The following AFF2 variants were observed in gnomAD, a reference collection of about 807,000 sequenced individuals.
AFF2 encodes AF4/FMR2 family member 2.
AFF2 carries 14 observed loss-of-function variants against 76.9 expected under a neutral mutation model. The ratio of observed to expected loss-of-function variants is 0.18; its 90% CI spans 0.12 to 0.28. The LOEUF (loss-of-function observed/expected upper bound fraction) is 0.28, where lower values mean the gene tolerates loss of function less well. Ranked by LOEUF, AFF2 falls within the 10% of genes least tolerant of loss-of-function variation. AFF2 has a pLI of 1.00. For missense variants in AFF2, 868 were observed against 1,001.1 expected (o/e 0.87, Z 1.79); for synonymous variants, 398 against 366.7 (o/e 1.09, Z -0.98).
At position 148,786,471 on chromosome X, in the gene AFF2, G is replaced by C. The variant is rs186986150; in HGVS notation, c.1042-23405G>C. 6.7e-3 allele frequency among the ~76,000 whole-genome samples: 744 copies of C among 111,873 alleles called. 3 individuals are homozygous for C. Among genetic ancestry groups the C allele is most frequent in the Non-Finnish European group, 0.011 (602 of 53,145 alleles). Reference sequence around the variant, plus strand: ...CAAGGTCAAGCTTTTGGCAGTGTTAGTATCTTCGGAGGACTGTGAGAGAAA... The same window carrying C: ...CAAGGTCAAGCTTTTGGCAGTGTTACTATCTTCGGAGGACTGTGAGAGAAA... On this transcript the variant is annotated intron_variant, in intron 3 of 20. Coordinates refer to ENST00000370460, the MANE Select transcript of AFF2 (RefSeq NM_002025.4).
intron 3 of AFF2, among the ~76,000 whole-genome samples, chrX:148,737,959 G>A (rs1241678829): frequency 1.8e-5 from 2 of 111,557 alleles, no homozygotes; most frequent in Non-Finnish European, 3.8e-5. Context: ...TGCATCTGTG[G>A]TGTGAAACCC....
chrX:148,736,709 T>A, intron 3 of AFF2, among the ~76,000 whole-genome samples: 1 of 111,886 alleles, frequency 8.9e-6, no homozygotes, highest in Middle Eastern at 4.7e-3. Context: ...TCTAGAAGGG[T>A]TTTTCCAATG....
At chrX:148,962,646 C>A in intron 12 of AFF2, 69 bp from the exon 13 acceptor site, 2 of 925,351 alleles carry the variant, frequency 2.2e-6, no homozygotes, top group African/African-American at 1.9e-5. Flanking sequence ...ACAGTACTAG[C>A]ATCATGGGGA....
At chrX:148,588,298 G>T (rs2053488892) in intron 1 of AFF2, among the ~76,000 whole-genome samples, 1 of 112,906 alleles carries the variant, frequency 8.9e-6, no homozygotes, top group African/African-American at 3.2e-5. Flanking sequence ...TGTGAGTAGT[G>T]CCATCGCTTT....
At chrX:148,879,899 T>C (rs997932405) in intron 7 of AFF2, among the ~76,000 whole-genome samples, 3 of 112,062 alleles carry the variant, frequency 2.7e-5, no homozygotes. Flanking sequence ...CTCCTAGTTC[T>C]CACACTAAGA....
intron 19 of AFF2, among the ~76,000 whole-genome samples, chrX:148,983,358 T>C (rs1335250674): frequency 1.8e-5 from 2 of 111,921 alleles, no homozygotes; most frequent in African/African-American, 6.5e-5. Context: ...CTCTGGGCTC[T>C]GTGGCCCTCA....
chrX:148,517,179 C>G (rs1448950179), intron 1 of AFF2, among the ~76,000 whole-genome samples: 6 of 111,629 alleles, frequency 5.4e-5, no homozygotes, highest in Admixed American at 4.7e-4. Flanking sequence ...GGGAAAAAGT[C>G]CAATGTTTTT....
intron 1 of AFF2, among the ~76,000 whole-genome samples, chrX:148,622,386 G>A (rs187966871): frequency 1.1e-3 from 123 of 111,927 alleles, no homozygotes; most frequent in Non-Finnish European, 1.6e-3. Flanking sequence ...GTTGCAGTCC[G>A]GAGGCAGAAC....
At chrX:148,845,058 G>T (rs1275472151) in intron 7 of AFF2, among the ~76,000 whole-genome samples, 1 of 108,929 alleles carries the variant, frequency 9.2e-6, no homozygotes, top group Non-Finnish European at 1.9e-5. Flanking sequence ...AATCCTCCCT[G>T]CTTTCACTCC....
At chrX:148,514,986 TC>T (rs2052519955) in intron 1 of AFF2, among the ~76,000 whole-genome samples, 1 of 112,406 alleles carries the variant, frequency 8.9e-6, no homozygotes. Flanking sequence ...CTGAATTTTT[TC>T]TAAAGACTAT....
At chrX:148,670,486 A>T (rs1286326216) in intron 3 of AFF2, among the ~76,000 whole-genome samples, 1 of 111,780 alleles carries the variant, frequency 8.9e-6, no homozygotes, top group African/African-American at 3.3e-5. Flanking sequence ...GTAAAATGTG[A>T]AGTATATTCT....
At chrX:148,831,218 C>T (rs2070450228) in intron 4 of AFF2, among the ~76,000 whole-genome samples, 2 of 111,570 alleles carry the variant, frequency 1.8e-5, no homozygotes, top group Non-Finnish European at 3.8e-5. Flanking sequence ...ACAATTTGCT[C>T]AGTTAACGCA....
rs2052842775 is a variant in AFF2, at chrX:148,540,616, A to G, written c.47+39472A>G. Among the ~76,000 whole-genome samples the G allele has an allele frequency of 2.7e-5, 3 of 111,138 alleles. No individual in the cohort carries two copies. The South Asian group carries it at 1.2e-3, about 43-fold the overall frequency. ...AGCAGACACCACTTCCTGGGAGTAA[A>G]TGAAGCATTTTTGGGAGCTGCTCTC... On this transcript the variant is annotated intron_variant, in intron 1 of 20. Coordinates refer to ENST00000370460, the MANE Select transcript of AFF2 (RefSeq NM_002025.4).
chrX:148,710,186 G>T (rs782443192), intron 3 of AFF2, among the ~76,000 whole-genome samples: 3 of 111,871 alleles, frequency 2.7e-5, no homozygotes, highest in Middle Eastern at 4.2e-3. Flanking sequence ...TGATGAAATT[G>T]ATCAGGTTGT....
At chrX:148,569,353 G>T (rs889267049) in intron 1 of AFF2, among the ~76,000 whole-genome samples, 21 of 111,337 alleles carry the variant, frequency 1.9e-4, no homozygotes, top group African/African-American at 6.8e-4. Flanking sequence ...TTAACATTTC[G>T]CTTTTACCAA....
chrX:148,889,545 C>T (rs1176741156), intron 8 of AFF2, among the ~76,000 whole-genome samples: 5 of 112,179 alleles, frequency 4.5e-5, no homozygotes, highest in African/African-American at 1.6e-4. Context: ...TATGTAATCA[C>T]ACATGTACAT....
At chrX:148,659,746 T>G (rs2054286753) in intron 2 of AFF2, among the ~76,000 whole-genome samples, 1 of 112,090 alleles carries the variant, frequency 8.9e-6, no homozygotes, top group Non-Finnish European at 1.9e-5. Flanking sequence ...GGAGCCTGGT[T>G]TTGGCTACTG....
At chrX:148,807,767 G>A (rs1024571666) in intron 3 of AFF2, among the ~76,000 whole-genome samples, 5 of 112,426 alleles carry the variant, frequency 4.4e-5, no homozygotes, top group African/African-American at 1.3e-4. Flanking sequence ...TGTATTTGGG[G>A]AATGTATTTG....
intron 1 of AFF2, among the ~76,000 whole-genome samples, chrX:148,594,811 A>G (rs782796495): frequency 6.2e-5 from 7 of 112,115 alleles, no homozygotes; most frequent in Admixed American, 9.5e-5. Flanking sequence ...CCTCACTCTT[A>G]CTGCTCTTCC....
Sources: allele counts gnomAD v4.1 joint callset (sites outside exome capture counted in the v4.1 genomes callset), GRCh38; gene constraint gnomAD v4.1.1; transcripts MANE v1.5; gene names NCBI Gene and HGNC (gene_info 2026-07-23, HGNC 2026-07-21).